Variants in DDX19A observed in about 807,000 individuals in gnomAD.
The protein encoded by DDX19A is ATP-dependent RNA helicase DDX19A.
In DDX19A, 12 loss-of-function variants were observed where a neutral mutation model predicts 60.6. The ratio of observed to expected loss-of-function variants is 0.20; its 90% CI spans 0.13 to 0.32. DDX19A has a LOEUF of 0.32. DDX19A is among the 10% of genes least tolerant of loss of function. The probability of loss-of-function intolerance (pLI) is 1.00; values close to 1 mark genes in which losing one functional copy is unlikely to be tolerated. For missense variants in DDX19A, 337 were observed against 600.6 expected (o/e 0.56, Z 4.59); for synonymous variants, 206 against 218.2 (o/e 0.94, Z 0.49).
chr16:70,362,510 GGAAGCAGGTCCAGTT>G (rs1422031408), intron 5 of DDX19A, among the ~76,000 whole-genome samples: 1 of 152,138 alleles, frequency 6.6e-6, no homozygotes, highest in African/African-American at 2.4e-5. Flanking sequence ...TGCCAAGAAA[GGAAGCAGGTCCAGTT>G]GATAGTTGAA....
Position 70,371,910 on chromosome 16 carries a change from G to A in DDX19A, c.1376-15G>A, listed in dbSNP as rs548986593. 3.1e-6 allele frequency: 5 copies of A among 1,613,994 alleles called. No homozygotes were observed. In the African/African-American group the frequency reaches 6.7e-5, roughly 22 times the overall value. ...ATTCCTGGGCAGGGTAGAGACTTGTGTATCTTTCCCCCAGATAAGAAGATA... is the reference window on the plus strand; with the variant it reads ...ATTCCTGGGCAGGGTAGAGACTTGTATATCTTTCCCCCAGATAAGAAGATA... On this transcript the variant is annotated splice_polypyrimidine_tract_variant and intron_variant, in intron 11 of 11. Coordinates refer to ENST00000302243, the MANE Select transcript of DDX19A (RefSeq NM_018332.5).
intron 5 of DDX19A, 46 bp downstream of exon 5, chr16:70,361,556 A>G (rs558742304): frequency 4.3e-5 from 65 of 1,508,608 alleles, no homozygotes; most frequent in Middle Eastern, 3.4e-4. Context: ...GATTAGATCA[A>G]TCTTCCCCAA....
chr16:70,367,349 A>G (rs536579027), intron 9 of DDX19A, among the ~76,000 whole-genome samples: 1 of 150,780 alleles, frequency 6.6e-6, no homozygotes, highest in South Asian at 2.1e-4. Context: ...AATGGTGTGA[A>G]CCCGGGAGGC....
chr16:70,353,900 CAAA>C (rs564352365), intron 2 of DDX19A, among the ~76,000 whole-genome samples: 1 of 71,684 alleles, frequency 1.4e-5, no homozygotes, highest in Non-Finnish European at 3.2e-5. Context: ...GACTCTGTCT[CAAA>C]AAAAAAAAAA....
intron 4 of DDX19A, among the ~76,000 whole-genome samples, chr16:70,360,542 GTGT>G (rs1964336374): frequency 6.6e-6 from 1 of 151,850 alleles, no homozygotes; most frequent in South Asian, 2.1e-4. Flanking sequence ...GGGTCTCACT[GTGT>G]TGCCCAGGCC....
chr16:70,367,450 A>G (rs981497909), intron 9 of DDX19A, among the ~76,000 whole-genome samples: 1 of 151,994 alleles, frequency 6.6e-6, no homozygotes, highest in Non-Finnish European at 1.5e-5. Flanking sequence ...GTTCAACAAG[A>G]TAGTCATAAC....
intron 5 of DDX19A, among the ~76,000 whole-genome samples, chr16:70,362,866 T>A (rs1203258416): frequency 1.3e-5 from 2 of 151,058 alleles, no homozygotes; most frequent in African/African-American, 4.9e-5. Flanking sequence ...ACAAAAAAAT[T>A]AGCCGGGCTT....
At chr16:70,368,657 C>T (rs1344228391) in intron 9 of DDX19A, among the ~76,000 whole-genome samples, 1 of 151,778 alleles carries the variant, frequency 6.6e-6, no homozygotes. Context: ...AGCAATTCTC[C>T]TACCTCAACC....
chr16:70,353,997 C>T (rs1964111001), intron 2 of DDX19A, among the ~76,000 whole-genome samples: 1 of 151,538 alleles, frequency 6.6e-6, no homozygotes, highest in Non-Finnish European at 1.5e-5. Flanking sequence ...CTGCCTCAGC[C>T]TCCTGAATAG....
intron 4 of DDX19A, chr16:70,356,879 T>C (rs1212883109): frequency 2.3e-6 from 3 of 1,278,720 alleles, no homozygotes; most frequent in Admixed American, 2.4e-5. Flanking sequence ...ACAGGTGATT[T>C]CTGGATGTCA....
chr16:70,356,291 C>T, intron 4 of DDX19A, 44 bp downstream of exon 4: 1 of 1,610,082 alleles, frequency 6.2e-7, no homozygotes, highest in Non-Finnish European at 8.5e-7. Flanking sequence ...GCCAGTCTCT[C>T]CCCACATAAA....
chr16:70,361,631 G>C, intron 5 of DDX19A, 121 bp downstream of exon 5: 1 of 688,244 alleles, frequency 1.5e-6, no homozygotes, highest in Non-Finnish European at 2.5e-6. Flanking sequence ...CAGGAATACA[G>C]CTTAGGCAAG....
chr16:70,364,482 A>T (rs1964459900), intron 5 of DDX19A, 61 bp from the exon 6 acceptor site: 1 of 1,320,466 alleles, frequency 7.6e-7, no homozygotes, highest in Non-Finnish European at 1.1e-6. Context: ...CAGAAAGAAC[A>T]TTTTGACATG....
At chr16:70,362,029 T>G (rs1034110095) in intron 5 of DDX19A, among the ~76,000 whole-genome samples, 4 of 150,898 alleles carry the variant, frequency 2.7e-5, no homozygotes, top group Non-Finnish European at 5.9e-5. Flanking sequence ...AAAAAAAATA[T>G]CCAGGCCTGT....
chr16:70,355,619 G>T (rs1004826313), intron 3 of DDX19A, 84 bp downstream of exon 3: 17 of 1,055,740 alleles, frequency 1.6e-5, no homozygotes, highest in Non-Finnish European at 2.4e-5. Context: ...CAAGCTACAA[G>T]ATCCAGGAGA....
chr16:70,360,326 T>C (rs970172677), intron 4 of DDX19A, among the ~76,000 whole-genome samples: 4 of 149,568 alleles, frequency 2.7e-5, no homozygotes, highest in African/African-American at 9.8e-5. Flanking sequence ...TCTTTCTTTT[T>C]TTTTTTTTTT....
intron 5 of DDX19A, among the ~76,000 whole-genome samples, chr16:70,362,087 A>G (rs1376854706): frequency 6.6e-6 from 1 of 150,860 alleles, no homozygotes; most frequent in African/African-American, 2.4e-5. Context: ...AGGCAGGAGA[A>G]TTGCTTGAAC....
At chr16:70,357,020 A>C in intron 4 of DDX19A, 1 of 362,498 alleles carries the variant, frequency 2.8e-6, no homozygotes, top group Non-Finnish European at 4.8e-6. Context: ...AGGCCAAGGC[A>C]GGCAGATCAC....
chr16:70,369,538 G>A lies in DDX19A; in HGVS notation c.1021-685G>A, dbSNP rs1964620313. On this transcript the variant is annotated intron_variant, in intron 9 of 11. Coordinates refer to ENST00000302243, the MANE Select transcript of DDX19A (RefSeq NM_018332.5). ...CCTTCACTTGATCTCCCAAATTGCTGTGGTTATAGGCGTGAGCCACCGTAT... is the reference window on the plus strand; with the variant it reads ...CCTTCACTTGATCTCCCAAATTGCTATGGTTATAGGCGTGAGCCACCGTAT... Among the ~76,000 whole-genome samples, 3 of 151,396 alleles carry A rather than the reference G, an allele frequency of 2.0e-5. No homozygotes were observed. In the South Asian group the frequency reaches 6.2e-4, roughly 31 times the overall value.
Sources: gnomAD v4.1 joint callset for allele counts (sites outside exome capture counted in the v4.1 genomes callset) on GRCh38, gnomAD v4.1.1 for gene constraint, MANE v1.5 for transcripts, NCBI Gene and HGNC (gene_info 2026-07-23, HGNC 2026-07-21) for gene names.